MRPS28: variants seen among roughly 807,000 people sequenced by gnomAD.
MRPS28 encodes small ribosomal subunit protein bS1m.
Under a neutral mutation model 10.8 loss-of-function variants are expected in MRPS28, and 7 were observed. The ratio of observed to expected loss-of-function variants is 0.65; its 90% CI spans 0.37 to 1.22. MRPS28 has a LOEUF of 1.22. Among genes scored for constraint, MRPS28 ranks in the 50% most tolerant of loss-of-function variants. The pLI, the probability that MRPS28 is intolerant of heterozygous loss-of-function variation, is 0.02. For synonymous variants in MRPS28, 121 were observed against 93.3 expected (o/e 1.30, Z -1.71); for missense variants, 265 against 232.9 (o/e 1.14, Z -0.90).
chr8:79,927,668 A>T (rs1806328557), intron 2 of MRPS28, among the ~76,000 whole-genome samples: 1 of 152,198 alleles, frequency 6.6e-6, no homozygotes, highest in East Asian at 1.9e-4. Flanking sequence ...CAACCCCAGG[A>T]GGCAAAGATG....
chr8:79,956,300 T>A (rs1284403545), intron 2 of MRPS28, among the ~76,000 whole-genome samples: 1 of 152,144 alleles, frequency 6.6e-6, no homozygotes, highest in Non-Finnish European at 1.5e-5. Context: ...AAATTATACG[T>A]GGCATTATAA....
chr8:79,948,048 C>T (rs1208177405), intron 2 of MRPS28, among the ~76,000 whole-genome samples: 13 of 149,142 alleles, frequency 8.7e-5, no homozygotes, highest in Non-Finnish European at 1.9e-4. Flanking sequence ...AGTGCAGTGG[C>T]GCAATCTCGG....
intron 2 of MRPS28, among the ~76,000 whole-genome samples, chr8:79,969,347 A>T (rs1334274756): frequency 6.6e-6 from 1 of 152,206 alleles, no homozygotes; most frequent in Non-Finnish European, 1.5e-5. Flanking sequence ...ATCTTAGACA[A>T]CTATTTGAAT....
intron 2 of MRPS28, among the ~76,000 whole-genome samples, chr8:79,960,113 T>A (rs541477530): frequency 4.7e-4 from 71 of 152,238 alleles, no homozygotes; most frequent in Non-Finnish European, 7.5e-4. Context: ...CAAAGCACTG[T>A]GGAGTGAATC....
At chr8:79,976,068 CTGT>C (rs973484672) in intron 2 of MRPS28, among the ~76,000 whole-genome samples, 4 of 151,350 alleles carry the variant, frequency 2.6e-5, no homozygotes, top group African/African-American at 4.9e-5. Context: ...TGGCAGATTT[CTGT>C]TGTTGTTAAG....
At chr8:79,993,482 G>C (rs1006634198) in intron 2 of MRPS28, among the ~76,000 whole-genome samples, 2 of 152,038 alleles carry the variant, frequency 1.3e-5, no homozygotes, top group Admixed American at 1.3e-4. Flanking sequence ...TTTTGTTATG[G>C]CATGTATCCA....
intron 2 of MRPS28, among the ~76,000 whole-genome samples, chr8:79,987,900 G>T (rs1475519487): frequency 6.6e-6 from 1 of 152,168 alleles, no homozygotes; most frequent in Admixed American, 6.5e-5. Flanking sequence ...AGTACCATTT[G>T]ACCCAGCCAT....
intron 2 of MRPS28, among the ~76,000 whole-genome samples, chr8:79,937,714 C>G (rs927051592): frequency 1.3e-5 from 2 of 152,214 alleles, no homozygotes; most frequent in African/African-American, 4.8e-5. Context: ...CTACCTTACA[C>G]CACCAAACTG....
At chr8:79,963,109 T>C (rs1187068577) in intron 2 of MRPS28, among the ~76,000 whole-genome samples, 1 of 152,108 alleles carries the variant, frequency 6.6e-6, no homozygotes, top group East Asian at 1.9e-4. Flanking sequence ...GATGATGTGA[T>C]TGTACAGGAT....
At chr8:79,955,087 G>T (rs1324870222) in intron 2 of MRPS28, among the ~76,000 whole-genome samples, 1 of 152,106 alleles carries the variant, frequency 6.6e-6, no homozygotes, top group Non-Finnish European at 1.5e-5. Flanking sequence ...CTTTTTGTCT[G>T]TTTAAAAGAG....
chr8:79,967,746 G>A (rs1187849306), intron 2 of MRPS28, among the ~76,000 whole-genome samples: 9 of 152,010 alleles, frequency 5.9e-5, no homozygotes, highest in Non-Finnish European at 1.2e-4. Context: ...GGTGTGGAGG[G>A]TAGATTTCCT....
At chr8:79,968,599 A>G (rs902175998) in intron 2 of MRPS28, among the ~76,000 whole-genome samples, 1 of 151,636 alleles carries the variant, frequency 6.6e-6, no homozygotes, top group Non-Finnish European at 1.5e-5. Context: ...TCCCTTCTCA[A>G]CCTTTCTCAC....
chr8:79,970,316 C>A (rs189039685), intron 2 of MRPS28, among the ~76,000 whole-genome samples: 58 of 152,154 alleles, frequency 3.8e-4, no homozygotes, highest in East Asian at 3.5e-3. Flanking sequence ...TTCTCCAGGG[C>A]CCCAAGACCC....
At chr8:79,931,390 CAG>C (rs928276400) in intron 2 of MRPS28, among the ~76,000 whole-genome samples, 5 of 152,164 alleles carry the variant, frequency 3.3e-5, no homozygotes, top group Admixed American at 3.3e-4. Flanking sequence ...GAATTCTGCA[CAG>C]AGAGCATGTA....
chr8:79,990,114 T>C (rs1808317421), intron 2 of MRPS28, among the ~76,000 whole-genome samples: 1 of 152,172 alleles, frequency 6.6e-6, no homozygotes, highest in East Asian at 1.9e-4. Flanking sequence ...TGAGCTGAGA[T>C]TGCACCACTG....
chr8:80,010,362 G>A (rs533338295), intron 1 of MRPS28, among the ~76,000 whole-genome samples: 1 of 152,210 alleles, frequency 6.6e-6, no homozygotes, highest in Non-Finnish European at 1.5e-5. Context: ...ACTACTAAAA[G>A]TTCAATAGTA....
intron 2 of MRPS28, among the ~76,000 whole-genome samples, chr8:80,001,785 A>C (rs1272303944): frequency 6.6e-6 from 1 of 152,198 alleles, no homozygotes; most frequent in African/African-American, 2.4e-5. Context: ...CATCTTGTTA[A>C]AACACTGTTC....
At position 79,921,939 on chromosome 8, in the gene MRPS28, T is replaced by C. The variant is rs868575029; in HGVS notation, c.396-2791A>G. Reference sequence around the variant, plus strand: ...TGGGTTTGTCATAGACAGCTCTTATTATTTTGAGATACGTCCCATCAATAC... The same window carrying C: ...TGGGTTTGTCATAGACAGCTCTTATCATTTTGAGATACGTCCCATCAATAC... On this transcript the variant is annotated intron_variant, in intron 2 of 2. Coordinates refer to ENST00000276585, the MANE Select transcript of MRPS28 (RefSeq NM_014018.3). 7.9e-5 allele frequency among the ~76,000 whole-genome samples: 12 copies of C among 152,356 alleles called. No individual in the cohort carries two copies. In the South Asian group the frequency reaches 2.5e-3, roughly 32 times the overall value.
At chr8:79,940,092 CTGATTT>C (rs2129928681) in intron 2 of MRPS28, among the ~76,000 whole-genome samples, 1 of 152,062 alleles carries the variant, frequency 6.6e-6, no homozygotes, top group African/African-American at 2.4e-5. Context: ...ATGTTGAAAG[CTGATTT>C]CTGGGCCTCA....
Sources: allele counts gnomAD v4.1 joint callset (sites outside exome capture counted in the v4.1 genomes callset), GRCh38; gene constraint gnomAD v4.1.1; transcripts MANE v1.5; gene names NCBI Gene and HGNC (gene_info 2026-07-23, HGNC 2026-07-21).